EYS: variants seen among roughly 807,000 people sequenced by gnomAD.
EYS encodes the protein protein eyes shut homolog.
In EYS, 250 loss-of-function variants were observed where a neutral mutation model predicts 282.1. That is an observed-to-expected ratio of 0.89 (90% confidence interval 0.80 to 0.98). The LOEUF (loss-of-function observed/expected upper bound fraction) is 0.98. Ranked by LOEUF, EYS falls within the 50% of genes least tolerant of loss-of-function variation. EYS has a pLI of 0.00. For synonymous variants in EYS, 1,355 were observed against 1,282.9 expected (o/e 1.06, Z -1.20); for missense variants, 4,016 against 3,709.0 (o/e 1.08, Z -2.15).
At chr6:64,093,730 G>C (rs958041662) in intron 31 of EYS, among the ~76,000 whole-genome samples, 1 of 151,942 alleles carries the variant, frequency 6.6e-6, no homozygotes, top group Non-Finnish European at 1.5e-5. Flanking sequence ...TCTTTTCCTA[G>C]TTGAATACCC....
At chr6:65,456,943 G>A (rs35097245) in intron 5 of EYS, among the ~76,000 whole-genome samples, 14,981 of 152,120 alleles carry the variant, frequency 0.098, 982 homozygotes, top group South Asian at 0.19. Flanking sequence ...TGTTGAAGAC[G>A]TTAGTGCTAC....
intron 33 of EYS, among the ~76,000 whole-genome samples, chr6:64,058,885 A>G (rs1265244089): frequency 6.6e-6 from 1 of 152,038 alleles, no homozygotes; most frequent in Non-Finnish European, 1.5e-5. Flanking sequence ...TGACAGTGGT[A>G]GAAATTTACC....
intron 28 of EYS, among the ~76,000 whole-genome samples, chr6:64,403,942 AT>A (rs574407794): frequency 1.6e-3 from 244 of 152,260 alleles, no homozygotes; most frequent in Non-Finnish European, 3.2e-3. Flanking sequence ...GAATCCAAAA[AT>A]CAGCCCACTG....
intron 10 of EYS, among the ~76,000 whole-genome samples, chr6:65,339,231 A>G (rs894749597): frequency 2.0e-5 from 3 of 151,210 alleles, no homozygotes; most frequent in African/African-American, 7.3e-5. Context: ...AAATTTTATT[A>G]AAGACTATTG....
chr6:64,909,564 CT>C (rs1425518994), intron 16 of EYS, among the ~76,000 whole-genome samples: 1 of 152,054 alleles, frequency 6.6e-6, no homozygotes, highest in Non-Finnish European at 1.5e-5. Flanking sequence ...GTCACATGCT[CT>C]TTTGCCTCCT....
chr6:64,560,017 T>C (rs1440848027), intron 26 of EYS, among the ~76,000 whole-genome samples: 1 of 152,152 alleles, frequency 6.6e-6, no homozygotes, highest in Admixed American at 6.6e-5. Context: ...CACGTACCAC[T>C]CATAATCTAT....
intron 13 of EYS, among the ~76,000 whole-genome samples, chr6:65,010,174 C>T (rs1002772332): frequency 1.3e-5 from 2 of 152,200 alleles, no homozygotes; most frequent in Non-Finnish European, 2.9e-5. Context: ...GTCCGAGGGA[C>T]AAGCTTGCAA....
At chr6:65,542,786 T>C (rs1012068490) in intron 2 of EYS, among the ~76,000 whole-genome samples, 9 of 152,110 alleles carry the variant, frequency 5.9e-5, no homozygotes, top group Non-Finnish European at 1.3e-4. Context: ...GTAAATACTA[T>C]TATGAGCAAA....
At chr6:65,454,340 G>T (rs1764523350) in intron 5 of EYS, among the ~76,000 whole-genome samples, 1 of 151,280 alleles carries the variant, frequency 6.6e-6, no homozygotes, top group Non-Finnish European at 1.5e-5. Context: ...AAGTTTTTTT[G>T]CCCATTGCTA....
intron 36 of EYS, among the ~76,000 whole-genome samples, chr6:63,862,631 A>G (rs1393951139): frequency 2.0e-5 from 3 of 152,322 alleles, no homozygotes; most frequent in Admixed American, 6.5e-5. Context: ...TCAAGTAGGA[A>G]GCAAAACCGA....
intron 29 of EYS, among the ~76,000 whole-genome samples, chr6:64,341,911 A>G (rs1771130097): frequency 6.6e-6 from 1 of 151,682 alleles, no homozygotes. Flanking sequence ...CGAATGTGAT[A>G]TTATTTAATA....
chr6:65,132,399 G>A (rs911247019), intron 12 of EYS, among the ~76,000 whole-genome samples: 10 of 151,888 alleles, frequency 6.6e-5, no homozygotes, highest in African/African-American at 2.2e-4. Context: ...ATGCAAAGTT[G>A]GTTCAACATA....
rs143768537 is a variant in EYS, at chr6:64,758,447, A to G, written c.3443+54931T>C. ...GAACTTGGGTGTTTGGTTTTTTTTG[A>G]TTAGAGACATGACTAGACTCAACTC... is the stretch of plus-strand genomic sequence containing the variant. On this transcript the variant is annotated intron_variant, in intron 22 of 42. Coordinates refer to ENST00000503581, the MANE Select transcript of EYS (RefSeq NM_001142800.2). 2.4e-3 allele frequency among the ~76,000 whole-genome samples: 365 copies of G among 152,142 alleles called. 2 individuals are homozygous for G. The highest frequency in any genetic ancestry group is 8.2e-3 in the African/African-American group (340 of 41,520).
intron 19 of EYS, among the ~76,000 whole-genome samples, chr6:64,874,787 T>C (rs994380886): frequency 6.6e-6 from 1 of 152,050 alleles, no homozygotes; most frequent in African/African-American, 2.4e-5. Flanking sequence ...CATCCCTAGT[T>C]GTTTGAAGGG....
chr6:64,813,738 G>A (rs1403939308), intron 21 of EYS, among the ~76,000 whole-genome samples, 161 bp from the exon 22 acceptor site: 1 of 151,820 alleles, frequency 6.6e-6, no homozygotes, highest in Non-Finnish European at 1.5e-5. Flanking sequence ...GACAGTAAGC[G>A]GTTTTTTACC....
At chr6:63,869,708 G>C (rs1465726702) in intron 35 of EYS, among the ~76,000 whole-genome samples, 3 of 152,158 alleles carry the variant, frequency 2.0e-5, no homozygotes, top group Non-Finnish European at 4.4e-5. Flanking sequence ...TTAGGAAAAG[G>C]AGGTAAGAAT....
chr6:65,658,440 CA>C (rs1562313682), intron 1 of EYS, among the ~76,000 whole-genome samples: 2 of 151,560 alleles, frequency 1.3e-5, no homozygotes, highest in Non-Finnish European at 3.0e-5. Context: ...AATATTCCTG[CA>C]ACTCTTCCAT....
intron 30 of EYS, among the ~76,000 whole-genome samples, chr6:64,292,332 A>G (rs1462187506): frequency 3.3e-5 from 5 of 152,192 alleles, no homozygotes; most frequent in Non-Finnish European, 7.4e-5. Context: ...TAGATTGTGA[A>G]ATACATTTGA....
chr6:64,996,434 A>G (rs1316867599), intron 14 of EYS, among the ~76,000 whole-genome samples: 4 of 152,312 alleles, frequency 2.6e-5, no homozygotes, highest in South Asian at 2.1e-4. Context: ...TCACATTCTA[A>G]GAGCAGGCGA....
Sources: allele counts gnomAD v4.1 joint callset (sites outside exome capture counted in the v4.1 genomes callset), GRCh38; gene constraint gnomAD v4.1.1; transcripts MANE v1.5; gene names NCBI Gene and HGNC (gene_info 2026-07-23, HGNC 2026-07-21).